Variants in PPP1R16A observed in about 807,000 individuals in gnomAD.
PPP1R16A encodes the protein myosin phosphatase-targeting subunit 3.
Under a neutral mutation model 46.6 loss-of-function variants are expected in PPP1R16A, and 39 were observed. The observed-to-expected ratio is 0.84, with a 90% CI of 0.65 to 1.09. The LOEUF (loss-of-function observed/expected upper bound fraction) is 1.09, where lower values mean the gene tolerates loss of function less well. Among genes scored for constraint, PPP1R16A ranks in the 50% least tolerant of loss-of-function variants. The pLI is 0.00. For synonymous variants in PPP1R16A, 413 were observed against 321.5 expected, an observed-to-expected ratio of 1.28 and a Z score of -3.04; for missense variants, 798 against 735.6, an observed-to-expected ratio of 1.08 and a Z score of -0.98.
At chr8:144,481,577 G>A (rs533020386) in intron 1 of PPP1R16A, among the ~76,000 whole-genome samples, 38 of 152,060 alleles carry the variant, frequency 2.5e-4, no homozygotes, top group Admixed American at 2.0e-3. Context: ...GTGGGAGGCG[G>A]AGGTTGCGGT....
intron 3 of PPP1R16A, chr8:144,497,914 CTATGCAGG>C (rs1826168709): frequency 2.5e-6 from 1 of 400,468 alleles, no homozygotes; most frequent in Non-Finnish European, 5.1e-6. Flanking sequence ...AGGCACAGAG[CTATGCAGG>C]TGGCCCCCTC....
intron 1 of PPP1R16A, among the ~76,000 whole-genome samples, chr8:144,484,892 A>T (rs1362868234): frequency 6.6e-6 from 1 of 152,244 alleles, no homozygotes; most frequent in Non-Finnish European, 1.5e-5. Flanking sequence ...GTTTGTAGAT[A>T]AAAAATAGTG....
rs1178178855 is a variant in PPP1R16A at position 144,501,638 on chromosome 8, G to C, written c.1322G>C (p.Ser441Thr). ...SVSYQLSPLD[S>T]TTPHTLVHDK... ...TCCTACCAGCTGAGCCCCCTGGACA[G>C]CACCACCCCCCACACCCTGGTCCAC... Residue 441 changes from serine (S) to threonine (T), a missense_variant, in exon 12 of 12, where the codon AGC (serine) becomes ACC (threonine). Transcript: ENST00000435887. 3.1e-6 allele frequency: 5 copies of C among 1,611,076 alleles called. No homozygotes were observed. Among genetic ancestry groups the C allele is most frequent in the Non-Finnish European group, 4.2e-6 (5 of 1,179,090 alleles).
rs747512091 is a variant in PPP1R16A at position 144,497,328 on chromosome 8, A to G, written c.134A>G (p.Gln45Arg). Residue 45 changes from glutamine (Q) to arginine (R), a missense_variant, in exon 3 of 12, where the codon CAG becomes CGG. Transcript: ENST00000435887. ...KMWAQAEKEA[Q>R]GKKGPGERPR... Reference sequence around the variant, plus strand: ...TGGGCCCAGGCTGAGAAGGAGGCCCAGGGCAAGAAGGGTCCTGGGGAGCGT... The same window carrying G: ...TGGGCCCAGGCTGAGAAGGAGGCCCGGGGCAAGAAGGGTCCTGGGGAGCGT... 1 of 1,612,688 alleles carries G rather than the reference A, an allele frequency of 6.2e-7. No individual in the cohort carries two copies. Among genetic ancestry groups the G allele is most frequent in the Admixed American group, 1.7e-5 (1 of 59,998 alleles).
chr8:144,501,752 C>T lies in PPP1R16A; in HGVS notation c.1436C>T (p.Pro479Leu). 6.4e-7 allele frequency: 1 copy of T among 1,571,818 alleles called. No individual in the cohort carries two copies. The highest frequency in any genetic ancestry group is 1.2e-5 in the South Asian group (1 of 85,788). ...QRPPPEGPESPETAEPGLPGD... is the reference protein window; with the variant it reads ...QRPPPEGPESLETAEPGLPGD... The stretch of plus-strand genomic sequence containing the variant: ...CCCCCACCTGAGGGGCCCGAGAGCC[C>T]TGAGACAGCTGAGCCTGGCCTGCCT... The change falls in exon 12 of 12, where the codon CCT becomes CTT. Residue 479 changes from proline (P) to leucine (L), a missense_variant. Pro to Leu is a moderately conservative substitution (Grantham distance 98). Transcript: ENST00000435887.
At position 144,500,275 on chromosome 8, in the gene PPP1R16A, C is replaced by A; in HGVS notation, c.589C>A (p.Gln197Lys). The A allele has an allele frequency of 1.3e-6, 2 of 1,555,692 alleles. No individual in the cohort carries two copies. Among genetic ancestry groups the A allele is most frequent in the Non-Finnish European group, 1.7e-6 (2 of 1,151,248 alleles). The change falls in exon 7 of 12, where the codon CAG becomes AAG. Residue 197 changes from glutamine (Q) to lysine (K), a missense_variant. Transcript: ENST00000435887. ...ETAMADRGIT[Q>K]DSIEAARAVP... ...AGCCTGCCGCCTCGCAGGCATCACC[C>A]AGGACAGCATCGAGGCCGCCCGGGC...
intron 1 of PPP1R16A, among the ~76,000 whole-genome samples, chr8:144,486,224 C>T (rs1825623089): frequency 6.6e-6 from 1 of 151,920 alleles, no homozygotes; most frequent in South Asian, 2.1e-4. Context: ...CGCCACCACA[C>T]CTGGCTAATT....
chr8:144,489,661 G>T (rs1012827333), intron 1 of PPP1R16A, among the ~76,000 whole-genome samples: 1 of 152,138 alleles, frequency 6.6e-6, no homozygotes, highest in African/African-American at 2.4e-5. Context: ...CTTCTGTGCT[G>T]ACCTCAGTAG....
At chr8:144,479,672 C>A (rs1324405364) in intron 1 of PPP1R16A, among the ~76,000 whole-genome samples, 2 of 152,172 alleles carry the variant, frequency 1.3e-5, no homozygotes, top group Admixed American at 1.3e-4. Flanking sequence ...TCTCAGGTGA[C>A]CCCACAGACT....
At chr8:144,488,122 T>TC (rs749422089) in intron 1 of PPP1R16A, among the ~76,000 whole-genome samples, 20 of 152,278 alleles carry the variant, frequency 1.3e-4, no homozygotes, top group Middle Eastern at 3.4e-3. Flanking sequence ...CCTCTGTCTT[T>TC]CCAGGGAATT....
rs749667274 is a variant in PPP1R16A at position 144,485,212 on chromosome 8, C to CAAAAAAAA, written c.-913-4801_-913-4794dup. On this transcript the variant is annotated intron_variant, in intron 1 of 11. Coordinates refer to ENST00000435887, the MANE Select transcript of PPP1R16A (RefSeq NM_001329443.2). ...GAACCAGTAAAAAAGAATAGAATCT[C>CAAAAAAAA]AAAAAAAAAAAAAAAAAAAAAAAAA... is the stretch of plus-strand genomic sequence containing the variant. Among the ~76,000 whole-genome samples the CAAAAAAAA allele has an allele frequency of 8.1e-5, 5 of 61,528 alleles. 1 individual carries two copies. The highest frequency in any genetic ancestry group is 5.3e-4 in the African/African-American group (5 of 9,358). 40.4% of individuals were successfully genotyped at this position (61,528 alleles called of 152,430 possible).
Position 144,500,156 on chromosome 8 carries a change from T to C in PPP1R16A, c.537T>C (p.Asp179=), listed in dbSNP as rs757845451. The C allele has an allele frequency of 3.7e-6, 6 of 1,612,134 alleles. No homozygotes were observed. The South Asian group carries it at 4.4e-5, about 12-fold the overall frequency. ...DGNMPYDLCD[D]EQTLDCLETA... The stretch of plus-strand genomic sequence containing the variant: ...ACATGCCCTATGACCTGTGTGATGA[T>C]GAGCAGACGCTGGACTGCCTGGAGA... Residue 179 remains aspartate, a synonymous_variant, in exon 6 of 12, where the codon GAT becomes GAC. Coordinates refer to ENST00000435887, the MANE Select transcript of PPP1R16A (RefSeq NM_001329443.2).
chr8:144,501,929 C>T lies in PPP1R16A; in HGVS notation c.*26C>T, dbSNP rs750983778. The T allele has an allele frequency of 6.7e-7, 1 of 1,489,544 alleles. No homozygotes were observed. Among genetic ancestry groups the T allele is most frequent in the Non-Finnish European group, 8.9e-7 (1 of 1,121,012 alleles). 92.3% of individuals were successfully genotyped at this position (1,489,544 alleles called of 1,614,324 possible). On this transcript the variant is annotated 3_prime_UTR_variant, in exon 12 of 12. Transcript: ENST00000435887. ...GGCTGTTGCTCAGCATGCAGGGGCC[C>T]TGTCGCGGGCACAGCCCAAGGCTGC...
At chr8:144,485,829 G>C (rs181479129) in intron 1 of PPP1R16A, among the ~76,000 whole-genome samples, 4 of 152,308 alleles carry the variant, frequency 2.6e-5, no homozygotes, top group East Asian at 1.9e-4. Flanking sequence ...CCCTCTTGCA[G>C]CCACAGCCAC....
At chr8:144,497,516 C>T (rs936390563) in intron 3 of PPP1R16A, 63 bp downstream of exon 3, 26 of 1,600,992 alleles carry the variant, frequency 1.6e-5, no homozygotes, top group African/African-American at 9.4e-5. Context: ...ACCTGGGTGC[C>T]GTCTCATGCC....
rs1372173675 is a variant in PPP1R16A, at chr8:144,501,645, C to G, written c.1329C>G (p.Thr443=). The change falls in exon 12 of 12, where the codon ACC becomes ACG. Residue 443 remains threonine (T), a synonymous_variant. Transcript: ENST00000435887. The part of the protein sequence containing the change: ...SYQLSPLDST[T]PHTLVHDKAH... ...AGCTGAGCCCCCTGGACAGCACCAC[C>G]CCCCACACCCTGGTCCACGACAAGG... 6.2e-7 allele frequency: 1 copy of G among 1,611,050 alleles called. No individual in the cohort carries two copies.
At chr8:144,500,015 C>T in intron 5 of PPP1R16A, 81 bp from the exon 6 acceptor site, 6 of 1,452,256 alleles carry the variant, frequency 4.1e-6, no homozygotes, top group Non-Finnish European at 5.6e-6. Flanking sequence ...CTGAGGGGCC[C>T]TGGCGGGGAC....
chr8:144,480,927 C>T (rs1399467057), intron 1 of PPP1R16A, among the ~76,000 whole-genome samples: 8 of 150,444 alleles, frequency 5.3e-5, no homozygotes, highest in Non-Finnish European at 1.0e-4. Flanking sequence ...CATGCTGTGT[C>T]GCCCAGGCTG....
At chr8:144,491,854 C>T (rs1181384217) in intron 2 of PPP1R16A, among the ~76,000 whole-genome samples, 1 of 152,072 alleles carries the variant, frequency 6.6e-6, no homozygotes, top group Non-Finnish European at 1.5e-5. Flanking sequence ...ACTGCTTGAC[C>T]TTGGGAGGTC....
Sources: allele counts gnomAD v4.1 joint callset (sites outside exome capture counted in the v4.1 genomes callset), GRCh38; gene constraint gnomAD v4.1.1; transcripts MANE v1.5; gene names NCBI Gene and HGNC (gene_info 2026-07-23, HGNC 2026-07-21).